The following SORCS1 variants were observed in gnomAD, a reference collection of about 807,000 sequenced individuals.
SORCS1 encodes the protein VPS10 domain-containing receptor SorCS1.
In SORCS1, 60 loss-of-function variants were observed where a neutral mutation model predicts 146.1. The observed-to-expected ratio is 0.41, with a 90% CI of 0.33 to 0.51. SORCS1 has a LOEUF of 0.51. Among genes scored for constraint, SORCS1 ranks in the 20% least tolerant of loss-of-function variants. The pLI is 0.21. For synonymous variants in SORCS1, 637 were observed against 584.0 expected, an observed-to-expected ratio of 1.09 and a Z score of -1.31; for missense variants, 1,352 against 1,487.6, an observed-to-expected ratio of 0.91 and a Z score of 1.50.
At chr10:106,852,993 G>A (rs1198349572) in intron 2 of SORCS1, among the ~76,000 whole-genome samples, 2 of 152,142 alleles carry the variant, frequency 1.3e-5, no homozygotes, top group Non-Finnish European at 2.9e-5. Context: ...CATGAAATGA[G>A]CTGAGAAGTA....
intron 2 of SORCS1, among the ~76,000 whole-genome samples, chr10:106,840,820 A>G (rs1212071680): frequency 6.7e-6 from 1 of 148,394 alleles, no homozygotes; most frequent in East Asian, 2.0e-4. Context: ...CTCAGATAAT[A>G]ATTCACATTT....
At chr10:106,616,418 C>G (rs185774517) in intron 21 of SORCS1, among the ~76,000 whole-genome samples, 268 of 152,312 alleles carry the variant, frequency 1.8e-3, no homozygotes, top group African/African-American at 6.3e-3. Flanking sequence ...AGCTGCACCA[C>G]TTGCTAGCTG....
At chr10:106,699,427 A>G in intron 8 of SORCS1, 34 bp from the exon 9 acceptor site, 1 of 1,571,404 alleles carries the variant, frequency 6.4e-7, no homozygotes, top group Non-Finnish European at 8.6e-7. Context: ...AAGAGGGAAA[A>G]AGAGTTTTAT....
At chr10:106,917,596 G>A (rs1952508173) in intron 2 of SORCS1, among the ~76,000 whole-genome samples, 1 of 152,108 alleles carries the variant, frequency 6.6e-6, no homozygotes, top group African/African-American at 2.4e-5. Flanking sequence ...CAACATCCCT[G>A]GCCTCTAGAT....
At chr10:106,937,819 C>T (rs565125891) in intron 2 of SORCS1, among the ~76,000 whole-genome samples, 7 of 152,022 alleles carry the variant, frequency 4.6e-5, no homozygotes, top group African/African-American at 1.7e-4. Flanking sequence ...CAAAAATTAG[C>T]CGGACATGGT....
At chr10:106,949,206 C>A (rs1954540441) in intron 2 of SORCS1, among the ~76,000 whole-genome samples, 1 of 152,238 alleles carries the variant, frequency 6.6e-6, no homozygotes, top group East Asian at 1.9e-4. Context: ...GATTCTCTTG[C>A]CTGGAAGTTA....
At position 106,577,317 on chromosome 10, in the gene SORCS1, A is replaced by T; in HGVS notation, c.*103T>A. The stretch of plus-strand genomic sequence containing the variant: ...AAATAGGAAACAGAACAACAAAGGA[A>T]AGAAAAAAAACACAAAGTTAGTGGT... On this transcript the variant is annotated 3_prime_UTR_variant, in exon 26 of 26. Coordinates refer to ENST00000263054, the MANE Select transcript of SORCS1 (RefSeq NM_052918.5). The T allele has an allele frequency of 1.9e-6, 3 of 1,607,876 alleles. No individual in the cohort carries two copies. Among genetic ancestry groups the T allele is most frequent in the Non-Finnish European group, 2.5e-6 (3 of 1,178,116 alleles).
At chr10:106,687,738 CAT>C (rs1186017753) in intron 10 of SORCS1, among the ~76,000 whole-genome samples, 1 of 150,682 alleles carries the variant, frequency 6.6e-6, no homozygotes, top group African/African-American at 2.4e-5. Flanking sequence ...TTTTTTGAGT[CAT>C]AAACTCCTCT....
At chr10:106,893,082 T>TA (rs1480584765) in intron 2 of SORCS1, among the ~76,000 whole-genome samples, 5 of 151,690 alleles carry the variant, frequency 3.3e-5, no homozygotes, top group Admixed American at 2.0e-4. Context: ...TTTTTTTTTT[T>TA]AGTAGAGACA....
chr10:106,802,381 G>C (rs529964636), intron 3 of SORCS1, among the ~76,000 whole-genome samples: 2 of 152,256 alleles, frequency 1.3e-5, no homozygotes, highest in South Asian at 4.2e-4. Flanking sequence ...ACCCAGGCTG[G>C]AGTGCAGTGA....
At chr10:107,108,985 C>A (rs1446597140) in intron 1 of SORCS1, among the ~76,000 whole-genome samples, 1 of 152,214 alleles carries the variant, frequency 6.6e-6, no homozygotes, top group African/African-American at 2.4e-5. Flanking sequence ...TTCTTTCACT[C>A]CTTGTCCCAC....
At chr10:106,914,933 T>G (rs1952340314) in intron 2 of SORCS1, among the ~76,000 whole-genome samples, 1 of 152,148 alleles carries the variant, frequency 6.6e-6, no homozygotes, top group African/African-American at 2.4e-5. Flanking sequence ...TTCCAATCAG[T>G]GGTGCTGACA....
intron 1 of SORCS1, among the ~76,000 whole-genome samples, chr10:107,153,456 T>A (rs1969005345): frequency 6.6e-6 from 1 of 152,204 alleles, no homozygotes; most frequent in South Asian, 2.1e-4. Flanking sequence ...ATTGTTTAAC[T>A]GGGTGAATGG....
At chr10:106,721,724 G>A (rs1027095320) in intron 6 of SORCS1, among the ~76,000 whole-genome samples, 4 of 152,156 alleles carry the variant, frequency 2.6e-5, no homozygotes, top group Non-Finnish European at 4.4e-5. Flanking sequence ...CTCTGACCCA[G>A]GAATTTTCCT....
At chr10:107,035,194 T>G (rs1262558137) in intron 1 of SORCS1, among the ~76,000 whole-genome samples, 2 of 150,076 alleles carry the variant, frequency 1.3e-5, no homozygotes, top group African/African-American at 4.9e-5. Flanking sequence ...TCTTTTTAGA[T>G]GTGGAGACTT....
At chr10:106,609,135 G>A (rs751688141) in intron 22 of SORCS1, among the ~76,000 whole-genome samples, 3 of 152,148 alleles carry the variant, frequency 2.0e-5, no homozygotes, top group Non-Finnish European at 4.4e-5. Flanking sequence ...GACTGCTGAT[G>A]CTTTTGAAGC....
At chr10:106,808,501 T>TTTTA (rs1281040116) in intron 3 of SORCS1, among the ~76,000 whole-genome samples, 3 of 152,124 alleles carry the variant, frequency 2.0e-5, no homozygotes, top group South Asian at 2.1e-4. Flanking sequence ...AGTTTATTTA[T>TTTTA]TTTATTTATT....
intron 1 of SORCS1, among the ~76,000 whole-genome samples, chr10:107,063,089 T>G (rs185687181): frequency 1.4e-4 from 21 of 152,240 alleles, no homozygotes; most frequent in Non-Finnish European, 2.1e-4. Context: ...AAGAGAGGAA[T>G]ATGTACCAGT....
chr10:106,717,247 CT>C (rs1855442691), intron 6 of SORCS1, among the ~76,000 whole-genome samples: 1 of 152,210 alleles, frequency 6.6e-6, no homozygotes, highest in Non-Finnish European at 1.5e-5. Flanking sequence ...TGCTCTATTA[CT>C]TATTTTGAAA....
Sources: gnomAD v4.1 joint callset for allele counts (sites outside exome capture counted in the v4.1 genomes callset) on GRCh38, gnomAD v4.1.1 for gene constraint, MANE v1.5 for transcripts, NCBI Gene and HGNC (gene_info 2026-07-23, HGNC 2026-07-21) for gene names.